The following USP35 variants were observed in gnomAD, a reference collection of about 807,000 sequenced individuals.
The protein encoded by USP35 is ubiquitin carboxyl-terminal hydrolase 35.
In USP35, 69 loss-of-function variants were observed where a neutral mutation model predicts 83.8. That is an observed-to-expected ratio of 0.82 (90% CI 0.68 to 1.01). The LOEUF (loss-of-function observed/expected upper bound fraction) is 1.01, where lower values mean the gene tolerates loss of function less well. Ranked by LOEUF, USP35 falls within the 50% of genes least tolerant of loss-of-function variation. USP35 has a pLI of 0.00. For missense variants in USP35, 1,503 were observed against 1,362.5 expected, an observed-to-expected ratio of 1.10 and a Z score of -1.62; for synonymous variants, 714 against 589.5, an observed-to-expected ratio of 1.21 and a Z score of -3.06.
chr11:78,207,686 A>G (rs1239878996), intron 8 of USP35, 63 bp downstream of exon 8: 3 of 1,511,608 alleles, frequency 2.0e-6, no homozygotes, highest in Non-Finnish European at 2.7e-6. Context: ...CGACATGGAC[A>G]CCTTTCCCTT....
In USP35 at chr11:78,210,425, C is replaced by G. The variant is rs1253447935; in HGVS notation, c.2570C>G (p.Ser857Cys). Reference sequence around the variant, plus strand: ...AGTGTGGTGGTGCACTCTGGAGTGTCTTCGGAGAGTGGTCACTACTACTGC... The same window carrying G: ...AGTGTGGTGGTGCACTCTGGAGTGTGTTCGGAGAGTGGTCACTACTACTGC... ...LCSVVVHSGV[S>C]SESGHYYCYA... The change falls in exon 10 of 11, where the codon TCT becomes TGT. Residue 857 changes from serine to cysteine, a missense_variant. By Grantham distance (112) the Ser-to-Cys change is moderately radical. Coordinates refer to ENST00000529308, the MANE Select transcript of USP35 (RefSeq NM_020798.4). The G allele has an allele frequency of 6.2e-7, 1 of 1,614,148 alleles. No individual in the cohort carries two copies. The highest frequency in any genetic ancestry group is 2.2e-5 in the East Asian group (1 of 44,888).
rs990312272 is a variant in USP35, at chr11:78,213,527, C to G, written c.2890-119C>G. On this transcript the variant is annotated intron_variant, in intron 10 of 10. Coordinates refer to ENST00000529308, the MANE Select transcript of USP35 (RefSeq NM_020798.4). ...ATCCTGCCACTGAGCTGCAATGTCT[C>G]TGTGTGTCCAGGCCCTGGGGACCTA... is the stretch of plus-strand genomic sequence containing the variant. The G allele has an allele frequency of 3.2e-5, 39 of 1,201,786 alleles. No homozygotes were observed. In the African/African-American group the frequency reaches 3.8e-4, roughly 12 times the overall value. 74.4% of individuals were successfully genotyped at this position (1,201,786 alleles called of 1,614,324 possible).
At chr11:78,222,391 A>C in the USP35 span, among the ~76,000 whole-genome samples, 1 of 152,104 alleles carries the variant, frequency 6.6e-6, no homozygotes, top group African/African-American at 2.4e-5. Flanking sequence ...TTCAGATTCC[A>C]AATTATATAT....
chr11:78,207,591 C>T lies in USP35; in HGVS notation c.1453C>T (p.Gln485Ter). The change falls in exon 8 of 11, where the codon CAG (glutamine) becomes TAG (stop). Residue 485 changes from glutamine to a stop codon, truncating the protein, a stop_gained. Coordinates refer to ENST00000529308, the MANE Select transcript of USP35 (RefSeq NM_020798.4). LOFTEE classifies it high-confidence loss of function. ...NNSQPLMTKL[Q>*]WLFGFLEHSQ... ...CTCACAGCCCCTGATGACCAAGCTG[C>T]AGTGGCTCTTTGGCTTCCTAGAACA... 7.4e-6 allele frequency: 12 copies of T among 1,614,152 alleles called. No homozygotes were observed. The highest frequency in any genetic ancestry group is 8.5e-6 in the Non-Finnish European group (10 of 1,180,020).
chr11:78,222,588 A>G, the USP35 span, among the ~76,000 whole-genome samples: 1 of 150,256 alleles, frequency 6.7e-6, no homozygotes, highest in Non-Finnish European at 1.5e-5. Context: ...TAACACACAT[A>G]TATGTATTTT....
chr11:78,199,276 G>C (rs980733587), intron 3 of USP35: 4 of 321,706 alleles, frequency 1.2e-5, no homozygotes, highest in Admixed American at 8.2e-5. Context: ...TTCTGGCCCA[G>C]GGGCAGTGCC....
At chr11:78,195,791 G>T (rs551614682) in intron 1 of USP35, among the ~76,000 whole-genome samples, 46 of 152,298 alleles carry the variant, frequency 3.0e-4, no homozygotes, top group African/African-American at 6.3e-4. Context: ...AGTGCAGTGG[G>T]ATGATCTCCA....
At chr11:78,220,410 C>A in the USP35 span, 1 of 1,594,262 alleles carries the variant, frequency 6.3e-7, no homozygotes, top group Non-Finnish European at 8.6e-7. Flanking sequence ...ACTGTTCGTG[C>A]CACTGGGAAC....
chr11:78,225,321 C>T, the USP35 span: 1 of 640,332 alleles, frequency 1.6e-6, no homozygotes, highest in African/African-American at 1.8e-5. Context: ...CTACTCTCAA[C>T]CCCAAATGAT....
At chr11:78,224,433 G>T in the USP35 span, among the ~76,000 whole-genome samples, 2 of 152,140 alleles carry the variant, frequency 1.3e-5, no homozygotes, top group Non-Finnish European at 2.9e-5. Context: ...CCCAGTCCAG[G>T]TTTCTAAGTA....
At position 78,213,775 on chromosome 11, in the gene USP35, G is replaced by A. The variant is rs200730518; in HGVS notation, c.3019G>A (p.Gly1007Ser). The A allele has an allele frequency of 2.1e-4, 323 of 1,549,274 alleles. No individual in the cohort carries two copies. In the African/African-American group the frequency reaches 4.1e-3, roughly 20 times the overall value. Residue 1007 changes from glycine (G) to serine (S), a missense_variant, in exon 11 of 11, where the codon GGT becomes AGT. Gly to Ser is a moderately conservative substitution (Grantham distance 56). Coordinates refer to ENST00000529308, the MANE Select transcript of USP35 (RefSeq NM_020798.4). Reference sequence around the variant, plus strand: ...CTCTCCAGGGGGCTGCAATCCTGCAGGTGGCAATGGTGGTGACTTCCACAG... The same window carrying A: ...CTCTCCAGGGGGCTGCAATCCTGCAAGTGGCAATGGTGGTGACTTCCACAG... ...EGSPGGCNPAGGNGGDFHRLV... is the reference protein window; with the variant it reads ...EGSPGGCNPASGNGGDFHRLV...
chr11:78,217,485 G>A (rs955140764), downstream of USP35: 5 of 152,322 alleles, frequency 3.3e-5, no homozygotes, highest in Admixed American at 1.3e-4. Context: ...GAGCTGAAAG[G>A]GGAATGGGGG....
chr11:78,210,875 G>C (rs537356678), intron 10 of USP35, 131 bp downstream of exon 10: 1 of 961,380 alleles, frequency 1.0e-6, no homozygotes, highest in Admixed American at 3.0e-5. Context: ...TCAGTGCTGG[G>C]TATATACTGG....
intron 1 of USP35, among the ~76,000 whole-genome samples, chr11:78,195,030 C>G (rs1346834805): frequency 6.6e-6 from 1 of 152,130 alleles, no homozygotes; most frequent in Non-Finnish European, 1.5e-5. Context: ...TACACAAAGG[C>G]CCAGGGGCAG....
chr11:78,232,075 G>C, the USP35 span: 1 of 152,186 alleles, frequency 6.6e-6, no homozygotes, highest in African/African-American at 2.4e-5. Context: ...CAGGACTCTG[G>C]TTACAGAGCA....
the USP35 span, chr11:78,225,157 C>A: frequency 1.9e-6 from 3 of 1,613,738 alleles, no homozygotes; most frequent in South Asian, 2.2e-5. Context: ...CCGGCCTGCA[C>A]TCTCTCCACC....
the USP35 span, among the ~76,000 whole-genome samples, chr11:78,227,578 T>G: frequency 6.8e-6 from 1 of 147,046 alleles, no homozygotes; most frequent in African/African-American, 2.5e-5. Flanking sequence ...GAGGTTCACT[T>G]GAGGCCAGGA....
chr11:78,215,594 A>AAAC (rs1864083651), downstream of USP35: 1 of 152,392 alleles, frequency 6.6e-6, no homozygotes, highest in South Asian at 2.1e-4. Flanking sequence ...TCTTCCTGAC[A>AAAC]AACAGTGACA....
chr11:78,231,336 G>GTGGTGTGT, the USP35 span, among the ~76,000 whole-genome samples: 1,181 of 145,884 alleles, frequency 8.1e-3, 16 homozygotes, highest in African/African-American at 0.029. Context: ...GCGCGTGTGT[G>GTGGTGTGT]GTGTGTGTGT....
Sources: allele counts gnomAD v4.1 joint callset (sites outside exome capture counted in the v4.1 genomes callset), GRCh38; gene constraint gnomAD v4.1.1; transcripts MANE v1.5; gene names NCBI Gene and HGNC (gene_info 2026-07-23, HGNC 2026-07-21).